Variants in AP3D1 observed in about 807,000 individuals in gnomAD.
The protein encoded by AP3D1 is adaptor related protein complex 3 subunit delta 1, also known as AP-3 complex subunit delta-1.
In AP3D1, 51 loss-of-function variants were observed where a neutral mutation model predicts 147.6. That is an observed-to-expected ratio of 0.35 (90% CI 0.28 to 0.44). AP3D1 has a LOEUF of 0.44. AP3D1 is among the 20% of genes least tolerant of loss of function. The pLI, the probability that AP3D1 is intolerant of heterozygous loss-of-function variation, is 1.00. For missense variants in AP3D1, 1,421 were observed against 1,624.2 expected, an observed-to-expected ratio of 0.87 and a Z score of 2.15; for synonymous variants, 760 against 663.0, an observed-to-expected ratio of 1.15 and a Z score of -2.25.
At position 2,127,494 on chromosome 19, in the gene AP3D1, C is replaced by G. The variant is rs184382955; in HGVS notation, c.807-293G>C. 5.9e-4 allele frequency among the ~76,000 whole-genome samples: 90 copies of G among 152,282 alleles called. 1 individual carries two copies. In the East Asian group the frequency reaches 0.014, roughly 25 times the overall value. Reference sequence around the variant, plus strand: ...CCTGTGAGATGGCAATACCGCCTTCCTACTGCATCTTTTCTAGAGTTTTTT... The same window carrying G: ...CCTGTGAGATGGCAATACCGCCTTCGTACTGCATCTTTTCTAGAGTTTTTT... On this transcript the variant is annotated intron_variant, in intron 8 of 31. Transcript: ENST00000643116.
chr19:2,162,617 G>A (rs1456855273), intron 1 of AP3D1, among the ~76,000 whole-genome samples: 2 of 151,392 alleles, frequency 1.3e-5, no homozygotes, highest in Admixed American at 1.3e-4. Flanking sequence ...ACCCGAGATC[G>A]TGCCACTGCA....
At chr19:2,104,191 G>A (rs11667882) in intron 31 of AP3D1, among the ~76,000 whole-genome samples, 6 of 131,558 alleles carry the variant, frequency 4.6e-5, no homozygotes, top group Non-Finnish European at 6.3e-5. Flanking sequence ...CGCTGAGACC[G>A]CAACACCGAG....
chr19:2,133,938 T>C (rs1179383320), intron 4 of AP3D1, among the ~76,000 whole-genome samples: 1 of 151,826 alleles, frequency 6.6e-6, no homozygotes, highest in Non-Finnish European at 1.5e-5. Flanking sequence ...TGAAACCCTG[T>C]CTCTCCTAAA....
Position 2,111,768 on chromosome 19 carries a change from T to C in AP3D1, c.2848A>G (p.Lys950Glu). 1 of 1,612,852 alleles carries C rather than the reference T, an allele frequency of 6.2e-7. No homozygotes were observed. Among genetic ancestry groups the C allele is most frequent in the South Asian group, 1.1e-5 (1 of 90,862 alleles). The change falls in exon 25 of 32, where the codon AAG becomes GAG. Residue 950 changes from lysine (K) to glutamate (E), a missense_variant. This residue lies in a region of AP3D1 where 791 missense variants were observed against 761.4 expected (regional missense o/e 1.04). Transcript: ENST00000643116. ...GGAGGCTGCTTCTTGGACTTCTTCTTGCCTTTGGTCCGCTCCTCCTTCTCC... is the reference window on the plus strand; with the variant it reads ...GGAGGCTGCTTCTTGGACTTCTTCTCGCCTTTGGTCCGCTCCTCCTTCTCC... ...RKEKEERTKGKKKSKKQPPGS... is the reference protein window; with the variant it reads ...RKEKEERTKGEKKSKKQPPGS...
At position 2,112,936 on chromosome 19, in the gene AP3D1, G is replaced by C. The variant is rs535799229; in HGVS notation, c.2711C>G (p.Pro904Arg). The C allele has an allele frequency of 6.2e-7, 1 of 1,612,988 alleles. No individual in the cohort carries two copies. The highest frequency in any genetic ancestry group is 1.1e-5 in the South Asian group (1 of 91,028). The stretch of plus-strand genomic sequence containing the variant: ...CTTGGCGTCCTCACACTCGTCCTTC[G>C]GGGTAGTGACAGTGTTCACACTGAG... ...GELSVNTVTT[P>R]KDECEDAKTE... Residue 904 changes from proline to arginine, a missense_variant, in exon 24 of 32, where the codon CCG becomes CGG. This residue lies in a region of AP3D1 where 791 missense variants were observed against 761.4 expected (regional missense o/e 1.04). Coordinates refer to ENST00000643116, the MANE Select transcript of AP3D1 (RefSeq NM_001261826.3).
rs1193949958 is a variant in AP3D1, at chr19:2,134,104, T to TAAATA, written c.355-1531_355-1527dup. Among the ~76,000 whole-genome samples, 6 of 151,548 alleles carry TAAATA rather than the reference T, an allele frequency of 4.0e-5. No individual in the cohort carries two copies. In the South Asian group the frequency reaches 8.4e-4, roughly 21 times the overall value. On this transcript the variant is annotated intron_variant, in intron 4 of 31. Transcript: ENST00000643116. The stretch of plus-strand genomic sequence containing the variant: ...CAGAGTGAGACTCTGTCTCAAAAAA[T>TAAATA]AAATAAAATAAAATAAAATAACACA...
At chr19:2,139,134 A>G (rs947908028) in intron 1 of AP3D1, among the ~76,000 whole-genome samples, 2 of 151,138 alleles carry the variant, frequency 1.3e-5, no homozygotes, top group African/African-American at 4.9e-5. Flanking sequence ...ATCCATTTCT[A>G]TGAAATGTCC....
At chr19:2,110,481 C>A (rs2018239974) in intron 27 of AP3D1, among the ~76,000 whole-genome samples, 1 of 152,200 alleles carries the variant, frequency 6.6e-6, no homozygotes, top group Admixed American at 6.5e-5. Context: ...GCCCCAGAAT[C>A]CAGCCCCCAG....
rs1351148445 is a variant in AP3D1 at position 2,129,084 on chromosome 19, A to C, written c.806+6T>G. The stretch of plus-strand genomic sequence containing the variant: ...CCCGCCCCCACCGCGCATGGCCTGC[A>C]CTCACCTGTGGATGAGATTGGTGAG... On this transcript the variant is annotated splice_donor_region_variant and intron_variant, in intron 8 of 31. Coordinates refer to ENST00000643116, the MANE Select transcript of AP3D1 (RefSeq NM_001261826.3). 1.3e-6 allele frequency: 2 copies of C among 1,578,848 alleles called. No homozygotes were observed. The highest frequency in any genetic ancestry group is 1.7e-6 in the Non-Finnish European group (2 of 1,163,562).
At chr19:2,162,658 T>C (rs1376829635) in intron 1 of AP3D1, among the ~76,000 whole-genome samples, 1 of 143,994 alleles carries the variant, frequency 6.9e-6, no homozygotes, top group African/African-American at 2.6e-5. Context: ...CGAGACTGTG[T>C]GTCAAAAAAC....
chr19:2,129,598 G>T, intron 6 of AP3D1, 141 bp from the exon 7 acceptor site: 1 of 1,056,196 alleles, frequency 9.5e-7, no homozygotes, highest in Non-Finnish European at 1.3e-6. Context: ...CCTCCTCCTG[G>T]TGACAGGGAC....
chr19:2,114,411 C>T (rs909793830), intron 21 of AP3D1, 109 bp from the exon 22 acceptor site: 2 of 919,358 alleles, frequency 2.2e-6, no homozygotes, highest in Admixed American at 4.9e-5. Flanking sequence ...GCTCCTCCAG[C>T]CCCTGGCCCC....
chr19:2,115,664 T>A (rs2018425770), intron 18 of AP3D1, 51 bp from the exon 19 acceptor site: 1 of 1,571,526 alleles, frequency 6.4e-7, no homozygotes, highest in Non-Finnish European at 8.7e-7. Flanking sequence ...GTGACACACG[T>A]GCAAGACAAG....
chr19:2,119,773 A>G (rs2018560000), intron 14 of AP3D1, among the ~76,000 whole-genome samples: 1 of 151,472 alleles, frequency 6.6e-6, no homozygotes, highest in Non-Finnish European at 1.5e-5. Flanking sequence ...ATCTCTAATA[A>G]GAATACAAAA....
In AP3D1 at chr19:2,118,632, A is replaced by C; in HGVS notation, c.1682T>G (p.Val561Gly). 1.2e-6 allele frequency: 2 copies of C among 1,611,826 alleles called. No homozygotes were observed. Among genetic ancestry groups the C allele is most frequent in the Non-Finnish European group, 1.7e-6 (2 of 1,179,988 alleles). ...QLMVDRLPQF[V>G]QSADLEVQER... ...CTGCACCTCCAGGTCTGCGCTCTGC[A>C]CAAACTGGGGCAGCCGGTCCACCAT... is the stretch of plus-strand genomic sequence containing the variant. Residue 561 changes from valine (V) to glycine (G), a missense_variant, in exon 15 of 32, where the codon GTG becomes GGG. Physicochemically the swap from Val to Gly is moderately radical, Grantham distance 109. Transcript: ENST00000643116.
At chr19:2,149,587 G>A (rs1343972309) in intron 1 of AP3D1, among the ~76,000 whole-genome samples, 1 of 150,390 alleles carries the variant, frequency 6.6e-6, no homozygotes, top group Admixed American at 6.6e-5. Context: ...CCCCCTTGAA[G>A]GGGCCCAGAC....
intron 1 of AP3D1, among the ~76,000 whole-genome samples, chr19:2,160,927 C>T (rs1046101917): frequency 2.6e-5 from 4 of 152,050 alleles, no homozygotes; most frequent in Non-Finnish European, 5.9e-5. Flanking sequence ...CAGACATCGC[C>T]CAGTGTTTCC....
intron 31 of AP3D1, among the ~76,000 whole-genome samples, chr19:2,103,608 G>GAAA (rs2018020777): frequency 6.6e-6 from 1 of 152,206 alleles, no homozygotes; most frequent in Non-Finnish European, 1.5e-5. Flanking sequence ...GCCGCTGCCG[G>GAAA]GTCCCAAGGC....
rs538186225 is a variant in AP3D1, at chr19:2,104,713, CTAGAG to C, written c.3553-2450_3553-2446del. Reference sequence around the variant, plus strand: ...TTGGAGTCTCACTCTGTTGCCCAGGCTAGAGTACAGTGGCACAATCAGGGCTCACC... The same window carrying C: ...TTGGAGTCTCACTCTGTTGCCCAGGCTACAGTGGCACAATCAGGGCTCACC... On this transcript the variant is annotated intron_variant, in intron 31 of 31. Coordinates refer to ENST00000643116, the MANE Select transcript of AP3D1 (RefSeq NM_001261826.3). Among the ~76,000 whole-genome samples the C allele has an allele frequency of 4.2e-5, 6 of 144,554 alleles. No individual in the cohort carries two copies. In the South Asian group the frequency reaches 1.3e-3, roughly 31 times the overall value. The allele number at this position is 144,554 out of a possible 152,430, so 94.8% of individuals were successfully genotyped here. A position where few individuals can be genotyped will look rare whatever the true frequency, so the allele number is the denominator to read the frequency against.
Sources: allele counts gnomAD v4.1 joint callset (sites outside exome capture counted in the v4.1 genomes callset), GRCh38; gene constraint gnomAD v4.1.1; regional missense constraint gnomAD v4.1.1; transcripts MANE v1.5; gene names NCBI Gene and HGNC (gene_info 2026-07-23, HGNC 2026-07-21).